Variants in DYNLRB2 observed in about 807,000 individuals in gnomAD.
DYNLRB2 encodes bithoraxoid-like protein.
DYNLRB2 carries 14 observed loss-of-function variants against 12.6 expected under a neutral mutation model. That is an observed-to-expected ratio of 1.11 (90% confidence interval 0.73 to 1.73). The LOEUF is 1.73. Among genes scored for constraint, DYNLRB2 ranks in the 40% most tolerant of loss-of-function variants. DYNLRB2 has a pLI of 0.00. For missense variants in DYNLRB2, 142 were observed against 117.7 expected (o/e 1.21, Z -0.95); for synonymous variants, 53 against 37.0 (o/e 1.43, Z -1.57).
At chr16:80,546,444 TTC>T (rs1904473184) in intron 2 of DYNLRB2, among the ~76,000 whole-genome samples, 1 of 152,230 alleles carries the variant, frequency 6.6e-6, no homozygotes, top group Non-Finnish European at 1.5e-5. Context: ...ACCATGCTTA[TTC>T]ATTTAGATAT....
At position 80,549,657 on chromosome 16, in the gene DYNLRB2, T is replaced by G. The variant is rs1033344078; in HGVS notation, c.247+6T>G. 1.9e-6 allele frequency: 3 copies of G among 1,578,818 alleles called. No homozygotes were observed. Among genetic ancestry groups the G allele is most frequent in the Admixed American group, 3.5e-5 (2 of 57,886 alleles). On this transcript the variant is annotated splice_donor_region_variant and intron_variant, in intron 3 of 3. Transcript: ENST00000305904. The stretch of plus-strand genomic sequence containing the variant: ...TGAAATCATGGTAGCTCCAGGTAAT[T>G]TGGCATTTCATTTCCTAGTTAAATC...
intron 2 of DYNLRB2, among the ~76,000 whole-genome samples, chr16:80,545,917 C>G (rs1036281537): frequency 6.6e-6 from 1 of 151,796 alleles, no homozygotes; most frequent in African/African-American, 2.4e-5. Context: ...GATCCACCCA[C>G]CTCGGCCTCC....
intron 2 of DYNLRB2, chr16:80,549,005 T>C (rs750722566): frequency 1.3e-5 from 6 of 456,016 alleles, no homozygotes; most frequent in South Asian, 9.3e-5. Context: ...ATAGACAAGA[T>C]GTTCAGGGGA....
At chr16:80,543,596 C>T (rs1456506808) in intron 2 of DYNLRB2, among the ~76,000 whole-genome samples, 2 of 152,284 alleles carry the variant, frequency 1.3e-5, no homozygotes, top group South Asian at 4.1e-4. Flanking sequence ...CTAAGAAGCA[C>T]TATACATTGT....
In DYNLRB2 at chr16:80,550,662, C is replaced by G. The variant is rs535088944; in HGVS notation, c.*104C>G. ...CAATCTAACTGACCCTTCAAACATT[C>G]TTTTCTATTTCTATATCTAAACTGT... is the stretch of plus-strand genomic sequence containing the variant. On this transcript the variant is annotated 3_prime_UTR_variant, in exon 4 of 4. Coordinates refer to ENST00000305904, the MANE Select transcript of DYNLRB2 (RefSeq NM_130897.3). The G allele has an allele frequency of 1.6e-6, 2 of 1,274,542 alleles. No homozygotes were observed. Among genetic ancestry groups the G allele is most frequent in the Admixed American group, 1.7e-5 (1 of 58,002 alleles). 79.0% of individuals were successfully genotyped at this position (1,274,542 alleles called of 1,614,324 possible). A position where few individuals can be genotyped will look rare whatever the true frequency, so the allele number is the denominator to read the frequency against.
intron 2 of DYNLRB2, among the ~76,000 whole-genome samples, chr16:80,546,293 T>G (rs987182220): frequency 6.6e-6 from 1 of 152,220 alleles, no homozygotes; most frequent in Non-Finnish European, 1.5e-5. Flanking sequence ...CTTTGGGAAG[T>G]CCCATGAAAT....
chr16:80,546,793 A>T (rs1567517812), intron 2 of DYNLRB2, among the ~76,000 whole-genome samples: 1 of 152,244 alleles, frequency 6.6e-6, no homozygotes, highest in African/African-American at 2.4e-5. Context: ...GAGTTTCATT[A>T]GATTGTAACA....
intron 2 of DYNLRB2, among the ~76,000 whole-genome samples, chr16:80,548,673 G>C (rs559926726): frequency 6.7e-6 from 1 of 148,284 alleles, no homozygotes; most frequent in Non-Finnish European, 1.5e-5. Flanking sequence ...AATGAGCCAA[G>C]ATCATGCCGT....
chr16:80,541,980 T>C (rs1276677773), intron 1 of DYNLRB2, among the ~76,000 whole-genome samples: 6 of 152,132 alleles, frequency 3.9e-5, no homozygotes, highest in Non-Finnish European at 1.5e-5. Flanking sequence ...CGTGAGAAAG[T>C]TATTCCTCTT....
chr16:80,549,596 C>T lies in DYNLRB2; in HGVS notation c.192C>T (p.Asn64=), dbSNP rs146088582. 52 of 1,612,692 alleles carry T rather than the reference C, an allele frequency of 3.2e-5. No individual in the cohort carries two copies. Among genetic ancestry groups the T allele is most frequent in the East Asian group, 3.1e-4 (14 of 44,832 alleles). The change falls in exon 3 of 4, where the codon AAC becomes AAT. Residue 64 remains asparagine (N), a synonymous_variant. Coordinates refer to ENST00000305904, the MANE Select transcript of DYNLRB2 (RefSeq NM_130897.3). ...CAGTTCGTGATATTGATCCTCAGAA[C>T]GACCTGACTTTTCTTAGGATCAGAT... The part of the protein sequence containing the change: ...KSTVRDIDPQ[N]DLTFLRIRSK...
At chr16:80,541,600 A>C (rs1390635785) in intron 1 of DYNLRB2, among the ~76,000 whole-genome samples, 1 of 138,858 alleles carries the variant, frequency 7.2e-6, no homozygotes, top group Non-Finnish European at 1.6e-5. Context: ...GAGGTAAGAA[A>C]AAAAAAAGTA....
chr16:80,540,821 G>T (rs759757284), upstream of DYNLRB2: 16 of 714,194 alleles, frequency 2.2e-5, 1 homozygote, highest in South Asian at 2.2e-4. Flanking sequence ...CTTCCCTCCC[G>T]GGACCCACTG....
chr16:80,547,622 G>T (rs1904558076), intron 2 of DYNLRB2: 4 of 359,180 alleles, frequency 1.1e-5, no homozygotes, highest in South Asian at 8.5e-5. Flanking sequence ...TATTCTGGTT[G>T]TATTTCTTGT....
rs760238854 is a variant in DYNLRB2 at position 80,543,330 on chromosome 16, A to G, written c.58A>G (p.Thr20Ala). Residue 20 changes from threonine (T) to alanine (A), a missense_variant, in exon 2 of 4, where the codon ACT (threonine) becomes GCT (alanine). Coordinates refer to ENST00000305904, the MANE Select transcript of DYNLRB2 (RefSeq NM_130897.3). ...CCAGAGTCATAAAGGGGTTATTGGA[A>G]CTATGGTTGTAAATGCAGAAGGTAA... ...RIQSHKGVIGTMVVNAEGIPI... is the reference protein window; with the variant it reads ...RIQSHKGVIGAMVVNAEGIPI... 1.9e-6 allele frequency: 3 copies of G among 1,613,926 alleles called. No homozygotes were observed. The Admixed American group carries it at 5.0e-5, about 27-fold the overall frequency.
At chr16:80,549,869 C>G (rs1904730913) in intron 3 of DYNLRB2, among the ~76,000 whole-genome samples, 1 of 152,120 alleles carries the variant, frequency 6.6e-6, no homozygotes, top group Non-Finnish European at 1.5e-5. Flanking sequence ...TTGAATTTTG[C>G]CCACTTGCAT....
Position 80,549,593 on chromosome 16 carries a change from G to A in DYNLRB2, c.189G>A (p.Gln63=), listed in dbSNP as rs748708318. The A allele has an allele frequency of 1.9e-6, 3 of 1,612,418 alleles. No homozygotes were observed. In the South Asian group the frequency reaches 3.3e-5, roughly 18 times the overall value. The stretch of plus-strand genomic sequence containing the variant: ...GCACAGTTCGTGATATTGATCCTCA[G>A]AACGACCTGACTTTTCTTAGGATCA... ...AKSTVRDIDP[Q]NDLTFLRIRS... is the part of the protein sequence containing the mutation. The change falls in exon 3 of 4, where the codon CAG becomes CAA. Residue 63 remains glutamine, a synonymous_variant. Coordinates refer to ENST00000305904, the MANE Select transcript of DYNLRB2 (RefSeq NM_130897.3).
chr16:80,549,780 T>C (rs1904726511), intron 3 of DYNLRB2, 129 bp downstream of exon 3: 1 of 1,023,088 alleles, frequency 9.8e-7, no homozygotes, highest in African/African-American at 1.6e-5. Flanking sequence ...TATTACAAAA[T>C]GATGTTTGAA....
chr16:80,550,481 T>G, intron 3 of DYNLRB2, 34 bp from the exon 4 acceptor site: 1 of 1,610,856 alleles, frequency 6.2e-7, no homozygotes, highest in Non-Finnish European at 8.5e-7. Context: ...AAATTTAAAT[T>G]AAGGGTGAAT....
At chr16:80,545,694 GTC>G (rs1214824281) in intron 2 of DYNLRB2, among the ~76,000 whole-genome samples, 1 of 9,122 alleles carries the variant, frequency 1.1e-4, no homozygotes, top group African/African-American at 1.3e-4. Flanking sequence ...TTGAGATGGA[GTC>G]TCTCTCTGTC....
Sources: allele counts gnomAD v4.1 joint callset (sites outside exome capture counted in the v4.1 genomes callset), GRCh38; gene constraint gnomAD v4.1.1; transcripts MANE v1.5; gene names NCBI Gene and HGNC (gene_info 2026-07-23, HGNC 2026-07-21).